Variants in RNF216 observed in about 807,000 individuals in gnomAD.
RNF216 encodes ring finger protein 216, also known as E3 ubiquitin-protein ligase RNF216.
In RNF216, 72 loss-of-function variants were observed where a neutral mutation model predicts 110.8. The observed-to-expected ratio is 0.65, with a 90% CI of 0.54 to 0.79. The LOEUF (loss-of-function observed/expected upper bound fraction) is 0.79, where lower values mean the gene tolerates loss of function less well. RNF216 is among the 30% of genes least tolerant of loss of function. RNF216 has a pLI of 0.00. For missense variants in RNF216, 1,342 were observed against 1,141.2 expected (o/e 1.18, Z -2.54); for synonymous variants, 495 against 407.5 (o/e 1.21, Z -2.59).
rs572673952 is a variant in RNF216 at position 5,622,836 on chromosome 7, CT to C, written c.*23del. 5.0e-5 allele frequency: 78 copies of C among 1,571,974 alleles called. No individual in the cohort carries two copies. The highest frequency in any genetic ancestry group is 6.7e-5 in the Non-Finnish European group (77 of 1,155,694). ...ACTCCTACCCCAAACGGGCTTTGTG[CT>C]GCTCAATGGGGATTCGGGGCCATCA... On this transcript the variant is annotated 3_prime_UTR_variant, in exon 17 of 17. Coordinates refer to ENST00000389902, the MANE Select transcript of RNF216 (RefSeq NM_207111.4).
intron 14 of RNF216, among the ~76,000 whole-genome samples, chr7:5,651,583 A>G (rs1788390396): frequency 2.6e-5 from 4 of 152,062 alleles, no homozygotes; most frequent in South Asian, 4.1e-4. Context: ...CCTCAGCTGC[A>G]TGGTAAGGCT....
chr7:5,670,047 C>T (rs544940707), intron 13 of RNF216, among the ~76,000 whole-genome samples: 61 of 152,154 alleles, frequency 4.0e-4, no homozygotes, highest in African/African-American at 1.4e-3. Flanking sequence ...CTGTCTCAGC[C>T]TCCCGATTAG....
Position 5,624,165 on chromosome 7 carries a change from A to C in RNF216, c.2383-40T>G. The C allele has an allele frequency of 6.3e-7, 1 of 1,577,834 alleles. No homozygotes were observed. The highest frequency in any genetic ancestry group is 1.3e-5 in the African/African-American group (1 of 74,454). Reference sequence around the variant, plus strand: ...ATGAGAAGGATGAACCTGTAGCTTCATGCAGTGCTGAGGCCCCGTGGGACA... The same window carrying C: ...ATGAGAAGGATGAACCTGTAGCTTCCTGCAGTGCTGAGGCCCCGTGGGACA... On this transcript the variant is annotated intron_variant, in intron 15 of 16. Coordinates refer to ENST00000389902, the MANE Select transcript of RNF216 (RefSeq NM_207111.4). The surrounding 1 kb of genome is among the most constrained non-coding windows in gnomAD (Gnocchi z 4.4).
chr7:5,700,504 C>A (rs1176858918), intron 13 of RNF216, among the ~76,000 whole-genome samples: 3 of 152,082 alleles, frequency 2.0e-5, no homozygotes, highest in Non-Finnish European at 4.4e-5. Flanking sequence ...GTAAAATATA[C>A]AAAGGAACTT....
At chr7:5,702,224 T>A (rs953921734) in intron 13 of RNF216, among the ~76,000 whole-genome samples, 4 of 151,752 alleles carry the variant, frequency 2.6e-5, no homozygotes, top group African/African-American at 9.7e-5. Flanking sequence ...GCAGAGGGAG[T>A]GGGAGTGGCA....
At chr7:5,734,401 G>T (rs1320363281) in intron 5 of RNF216, among the ~76,000 whole-genome samples, 1 of 152,058 alleles carries the variant, frequency 6.6e-6, no homozygotes, top group African/African-American at 2.4e-5. Context: ...GGATAGCAAC[G>T]TTCTATTTCT....
intron 13 of RNF216, among the ~76,000 whole-genome samples, chr7:5,707,237 T>C (rs755491673): frequency 1.3e-4 from 20 of 152,242 alleles, no homozygotes; most frequent in Non-Finnish European, 2.4e-4. Flanking sequence ...TCTAGGATAT[T>C]TGGGATCCTT....
intron 1 of RNF216, among the ~76,000 whole-genome samples, chr7:5,768,557 C>A (rs1796328592): frequency 6.6e-6 from 1 of 152,032 alleles, no homozygotes; most frequent in Non-Finnish European, 1.5e-5. Context: ...AGACTGTATG[C>A]CATGCCGTAA....
At chr7:5,675,386 C>T (rs2089573429) in intron 13 of RNF216, among the ~76,000 whole-genome samples, 1 of 152,154 alleles carries the variant, frequency 6.6e-6, no homozygotes, top group South Asian at 2.1e-4. Flanking sequence ...CCTGTAAATC[C>T]CAGCACTTTG....
intron 13 of RNF216, among the ~76,000 whole-genome samples, chr7:5,655,284 GCTT>G (rs1349136879): frequency 1.3e-5 from 2 of 152,146 alleles, no homozygotes; most frequent in African/African-American, 4.8e-5. Flanking sequence ...CAGCCAGGGC[GCTT>G]CTTACTGAAG....
intron 13 of RNF216, among the ~76,000 whole-genome samples, chr7:5,672,337 T>C (rs549259545): frequency 1.3e-5 from 2 of 152,350 alleles, no homozygotes; most frequent in Middle Eastern, 3.4e-3. Flanking sequence ...ATCAGTTACT[T>C]TGGTCTTTAC....
intron 2 of RNF216, among the ~76,000 whole-genome samples, chr7:5,754,515 T>C (rs899187350): frequency 2.0e-5 from 3 of 151,952 alleles, no homozygotes; most frequent in African/African-American, 7.3e-5. Context: ...CACTTAGCCA[T>C]TTCAGAAGAC....
At chr7:5,757,377 T>C (rs930557061) in intron 2 of RNF216, among the ~76,000 whole-genome samples, 12 of 149,694 alleles carry the variant, frequency 8.0e-5, no homozygotes, top group African/African-American at 2.7e-4. Context: ...TTTCTATCAG[T>C]TGTATTTGAT....
At chr7:5,715,562 C>A (rs2287593) in intron 10 of RNF216, among the ~76,000 whole-genome samples, 124,305 of 151,976 alleles carry the variant, frequency 0.82, 52,811 homozygotes, top group Non-Finnish European at 0.92. Context: ...ACCCAAAAAA[C>A]TTTCAAAAGT....
intron 13 of RNF216, among the ~76,000 whole-genome samples, chr7:5,668,369 A>G (rs1315803511): frequency 3.3e-5 from 5 of 151,900 alleles, no homozygotes; most frequent in Non-Finnish European, 5.9e-5. Context: ...GACTATAGGC[A>G]CCCACCACCA....
intron 2 of RNF216, among the ~76,000 whole-genome samples, chr7:5,756,396 C>T (rs1795645966): frequency 6.6e-6 from 1 of 152,178 alleles, no homozygotes. Flanking sequence ...GCAACAGAAA[C>T]CATATGGCCC....
intron 13 of RNF216, among the ~76,000 whole-genome samples, chr7:5,693,334 C>T (rs1245356429): frequency 6.6e-6 from 1 of 152,038 alleles, no homozygotes; most frequent in African/African-American, 2.4e-5. Flanking sequence ...GTCTGCTGAC[C>T]CCTGGTATGG....
intron 16 of RNF216, among the ~76,000 whole-genome samples, chr7:5,623,792 G>C (rs183301415): frequency 4.6e-5 from 7 of 152,230 alleles, no homozygotes; most frequent in Admixed American, 4.6e-4. Context: ...GCCAGGTGTG[G>C]CTTGATTGAT....
intron 5 of RNF216, among the ~76,000 whole-genome samples, chr7:5,739,061 G>A (rs183024205): frequency 6.6e-6 from 1 of 152,314 alleles, no homozygotes; most frequent in African/African-American, 2.4e-5. Flanking sequence ...GGCTTGGGAA[G>A]GGGATGGGGA....
Sources: allele counts gnomAD v4.1 joint callset (sites outside exome capture counted in the v4.1 genomes callset), GRCh38; gene constraint gnomAD v4.1.1; non-coding constraint Gnocchi (gnomAD v3.1); transcripts MANE v1.5; gene names NCBI Gene and HGNC (gene_info 2026-07-23, HGNC 2026-07-21).